Variants in C1QTNF7 observed in about 807,000 individuals in gnomAD.
C1QTNF7 encodes the protein C1q and TNF related 7.
A neutral mutation model predicts 19.6 loss-of-function variants in C1QTNF7; 15 were observed. That is an observed-to-expected ratio of 0.76 (90% CI 0.51 to 1.18). The LOEUF (loss-of-function observed/expected upper bound fraction) is 1.18. C1QTNF7 is among the 50% of genes most tolerant of loss of function. The pLI is 0.00. For synonymous variants in C1QTNF7, 142 were observed against 137.5 expected (o/e 1.03, Z -0.23); for missense variants, 324 against 359.7 (o/e 0.90, Z 0.80).
At chr4:15,393,715 G>A (rs1001868329) in intron 1 of C1QTNF7, among the ~76,000 whole-genome samples, 1 of 152,070 alleles carries the variant, frequency 6.6e-6, no homozygotes, top group African/African-American at 2.4e-5. Context: ...TTAAAATAAG[G>A]CAAACCCACC....
chr4:15,397,808 T>C (rs2077580839), intron 1 of C1QTNF7, among the ~76,000 whole-genome samples: 1 of 152,210 alleles, frequency 6.6e-6, no homozygotes, highest in South Asian at 2.1e-4. Flanking sequence ...ACAGACCACC[T>C]ACCAAAGCCC....
intron 1 of C1QTNF7, chr4:15,373,999 T>A (rs1422579212): frequency 6.6e-6 from 1 of 152,226 alleles, no homozygotes; most frequent in Non-Finnish European, 1.5e-5. Flanking sequence ...GGGTTACTAT[T>A]ACGATTTTCA....
chr4:15,430,311 G>A (rs949734814), intron 1 of C1QTNF7, among the ~76,000 whole-genome samples: 3 of 152,188 alleles, frequency 2.0e-5, no homozygotes, highest in East Asian at 3.8e-4. Context: ...CAGGTTGGGC[G>A]TGGCAGCTCA....
In C1QTNF7 at chr4:15,404,734, C is replaced by G. The variant is rs931600381; in HGVS notation, c.14-31002C>G. 2.0e-5 allele frequency among the ~76,000 whole-genome samples: 3 copies of G among 152,110 alleles called. No homozygotes were observed. The South Asian group carries it at 6.2e-4, about 32-fold the overall frequency. ...TTGTCATTTTATTCTTAATGGGGAC[C>G]AAGGGCATGGGAACCAAACAGTCTG... On this transcript the variant is annotated intron_variant, in intron 1 of 2. Coordinates refer to the C1QTNF7 transcript ENST00000295297.
upstream of C1QTNF7, among the ~76,000 whole-genome samples, chr4:15,424,376 A>G (rs967219715): frequency 9.2e-5 from 14 of 152,190 alleles, no homozygotes; most frequent in African/African-American, 3.1e-4. Flanking sequence ...CTTACTTAGT[A>G]AGTGCTACTT....
intron 1 of C1QTNF7, chr4:15,340,257 C>T: frequency 6.5e-7 from 1 of 1,544,606 alleles, no homozygotes; most frequent in South Asian, 1.2e-5. Flanking sequence ...TCCTATTCGG[C>T]CTTCATCAAA....
chr4:15,394,503 T>C (rs1718707913), intron 1 of C1QTNF7, among the ~76,000 whole-genome samples: 1 of 152,230 alleles, frequency 6.6e-6, no homozygotes, highest in African/African-American at 2.4e-5. Context: ...CATCCTCATA[T>C]GTGTACATGT....
chr4:15,352,831 A>T (rs1716984652), intron 1 of C1QTNF7, among the ~76,000 whole-genome samples: 1 of 152,104 alleles, frequency 6.6e-6, no homozygotes, highest in East Asian at 1.9e-4. Context: ...CTGCCAAATC[A>T]TCTCACACAC....
chr4:15,415,001 G>A (rs749610291), intron 1 of C1QTNF7, among the ~76,000 whole-genome samples: 8 of 152,200 alleles, frequency 5.3e-5, no homozygotes, highest in Non-Finnish European at 1.0e-4. Flanking sequence ...CATAAAACAT[G>A]AGTGCGCATA....
At chr4:15,420,266 A>G (rs1711685816) in intron 1 of C1QTNF7, among the ~76,000 whole-genome samples, 1 of 152,082 alleles carries the variant, frequency 6.6e-6, no homozygotes, top group African/African-American at 2.4e-5. Flanking sequence ...TACTTATTCC[A>G]TCCTGGCACT....
upstream of C1QTNF7, among the ~76,000 whole-genome samples, chr4:15,424,553 C>T (rs370546987): frequency 3.3e-5 from 5 of 152,294 alleles, no homozygotes; most frequent in South Asian, 6.2e-4. Context: ...GGCCTCCCCC[C>T]ACTAGGAGGA....
intron 1 of C1QTNF7, among the ~76,000 whole-genome samples, chr4:15,372,423 G>A (rs1032060549): frequency 6.6e-6 from 1 of 152,162 alleles, no homozygotes; most frequent in Non-Finnish European, 1.5e-5. Flanking sequence ...ATCCAACCAC[G>A]CTGGCACCCA....
rs1712826851 is a variant in C1QTNF7 at position 15,442,709 on chromosome 4, C to A, written c.780C>A (p.Asp260Glu). Residue 260 changes from aspartate (D) to glutamate (E), a missense_variant, in exon 3 of 3, where the codon GAC (aspartate) becomes GAA (glutamate). Asp to Glu is a conservative substitution (Grantham distance 45, BLOSUM62 2). Coordinates refer to ENST00000444304, the MANE Select transcript of C1QTNF7 (RefSeq NM_031911.5). Reference sequence around the variant, plus strand: ...CAGACCAGAATGGCCTCTTCTCAGACCCAGGTTGGGCAGACAGCTTATTCT... The same window carrying A: ...CAGACCAGAATGGCCTCTTCTCAGAACCAGGTTGGGCAGACAGCTTATTCT... ...FFTDQNGLFS[D>E]PGWADSLFSG... 1 of 1,614,032 alleles carries A rather than the reference C, an allele frequency of 6.2e-7. No individual in the cohort carries two copies. The highest frequency in any genetic ancestry group is 8.5e-7 in the Non-Finnish European group (1 of 1,180,040).
At chr4:15,434,603 A>T (rs1577282249) in intron 1 of C1QTNF7, among the ~76,000 whole-genome samples, 1 of 152,300 alleles carries the variant, frequency 6.6e-6, no homozygotes, top group African/African-American at 2.4e-5. Context: ...TCTTCCCTTT[A>T]AAAAACTGCT....
At chr4:15,393,550 G>A (rs1389886329) in intron 1 of C1QTNF7, among the ~76,000 whole-genome samples, 1 of 152,178 alleles carries the variant, frequency 6.6e-6, no homozygotes, top group Non-Finnish European at 1.5e-5. Flanking sequence ...TCTTTATTCT[G>A]GAAATGTGAA....
chr4:15,346,950 G>A (rs1047829052), intron 1 of C1QTNF7, among the ~76,000 whole-genome samples: 1 of 152,138 alleles, frequency 6.6e-6, no homozygotes, highest in Non-Finnish European at 1.5e-5. Flanking sequence ...AGGGGTCTAA[G>A]GAATCTGAGT....
At chr4:15,345,336 T>A (rs1716679149) in intron 1 of C1QTNF7, among the ~76,000 whole-genome samples, 1 of 152,222 alleles carries the variant, frequency 6.6e-6, no homozygotes, top group Non-Finnish European at 1.5e-5. Flanking sequence ...TAGAAGTCAC[T>A]GTCAAGGCCA....
chr4:15,383,609 T>G (rs553787218), intron 1 of C1QTNF7, among the ~76,000 whole-genome samples: 4 of 152,362 alleles, frequency 2.6e-5, no homozygotes, highest in African/African-American at 9.6e-5. Context: ...TAGAAACCAA[T>G]GAAATTTAGG....
chr4:15,404,496 G>A (rs1392469933), intron 1 of C1QTNF7, among the ~76,000 whole-genome samples: 1 of 152,206 alleles, frequency 6.6e-6, no homozygotes, highest in African/African-American at 2.4e-5. Context: ...TTAGAATACA[G>A]CAAGTGTTTT....
Sources: gnomAD v4.1 joint callset for allele counts (sites outside exome capture counted in the v4.1 genomes callset) on GRCh38, gnomAD v4.1.1 for gene constraint, MANE v1.5 for transcripts, NCBI Gene and HGNC (gene_info 2026-07-23, HGNC 2026-07-21) for gene names.